The following CASTOR2 variants were observed in gnomAD, a reference collection of about 807,000 sequenced individuals.
CASTOR2 encodes the protein cytosolic arginine sensor for mTORC1 subunit 2.
In CASTOR2, 8 loss-of-function variants were observed where a neutral mutation model predicts 31.2. The observed-to-expected ratio is 0.26, with a 90% CI of 0.15 to 0.46. The LOEUF (loss-of-function observed/expected upper bound fraction) is 0.46. Ranked by LOEUF, CASTOR2 falls within the 20% of genes least tolerant of loss-of-function variation. The pLI is 0.99. For missense variants in CASTOR2, 216 were observed against 382.1 expected, an observed-to-expected ratio of 0.57 and a Z score of 3.62; for synonymous variants, 162 against 158.7, an observed-to-expected ratio of 1.02 and a Z score of -0.16.
At chr7:74,988,189 G>A (rs35927458) in intron 1 of CASTOR2, among the ~76,000 whole-genome samples, 15,173 of 145,128 alleles carry the variant, frequency 0.1, 915 homozygotes, top group Middle Eastern at 0.28. Context: ...GAGTTCAGTG[G>A]TGCCATCTCG....
At position 75,028,863 on chromosome 7, in the gene CASTOR2, G is replaced by T. The variant is rs1805217730; in HGVS notation, c.*4164G>T. On this transcript the variant is annotated 3_prime_UTR_variant, in exon 9 of 9. Coordinates refer to ENST00000616305, the MANE Select transcript of CASTOR2 (RefSeq NM_001145064.3). Reference sequence around the variant, plus strand: ...GACCCTGGTAGCTTCCCCTCCCCAAGATTCAGAGGCGGGGACCCAAAGCCT... The same window carrying T: ...GACCCTGGTAGCTTCCCCTCCCCAATATTCAGAGGCGGGGACCCAAAGCCT... Among the ~76,000 whole-genome samples the T allele has an allele frequency of 6.6e-6, 1 of 152,198 alleles. No homozygotes were observed. The highest frequency in any genetic ancestry group is 2.4e-5 in the African/African-American group (1 of 41,456).
chr7:75,022,640 A>G (rs1805032694), intron 7 of CASTOR2, among the ~76,000 whole-genome samples: 1 of 151,908 alleles, frequency 6.6e-6, no homozygotes, highest in Admixed American at 6.6e-5. Flanking sequence ...TCTACTAACA[A>G]TACAAAAAAT....
At chr7:74,995,128 G>A (rs1201965506) in intron 1 of CASTOR2, among the ~76,000 whole-genome samples, 16 of 152,134 alleles carry the variant, frequency 1.1e-4, no homozygotes, top group Non-Finnish European at 2.2e-4. Context: ...TACCCTGGAG[G>A]GCTTGAGGAG....
At chr7:74,982,515 C>T (rs1803969787) in intron 1 of CASTOR2, among the ~76,000 whole-genome samples, 3 of 145,092 alleles carry the variant, frequency 2.1e-5, no homozygotes, top group Non-Finnish European at 4.6e-5. Context: ...GGGGCTGTTT[C>T]GTCCACTAGA....
chr7:74,985,581 G>T (rs1157881067), intron 1 of CASTOR2, among the ~76,000 whole-genome samples: 5 of 111,846 alleles, frequency 4.5e-5, no homozygotes, highest in Middle Eastern at 3.7e-3. Context: ...GAAACAGCCT[G>T]GCTCAAAAAA....
At chr7:75,021,402 C>T (rs1051078527) in intron 6 of CASTOR2, among the ~76,000 whole-genome samples, 15 of 152,180 alleles carry the variant, frequency 9.9e-5, no homozygotes, top group Non-Finnish European at 1.6e-4. Context: ...GCTGGGATTA[C>T]GGGTGTGAGC....
intron 7 of CASTOR2, among the ~76,000 whole-genome samples, chr7:75,024,162 C>T (rs1043810523): frequency 2.0e-5 from 3 of 152,098 alleles, no homozygotes; most frequent in Admixed American, 6.6e-5. Context: ...TGGTGGTACA[C>T]GCCTATAATC....
At chr7:74,992,729 T>C (rs1234138052) in intron 1 of CASTOR2, among the ~76,000 whole-genome samples, 5 of 151,830 alleles carry the variant, frequency 3.3e-5, no homozygotes, top group African/African-American at 4.8e-5. Context: ...TGAGCCACTG[T>C]GCCCGGCCTC....
chr7:75,013,149 C>G (rs587757068), intron 2 of CASTOR2, among the ~76,000 whole-genome samples: 1 of 152,194 alleles, frequency 6.6e-6, no homozygotes, highest in Non-Finnish European at 1.5e-5. Flanking sequence ...AAACCTCCAG[C>G]GCTGCAAACA....
Position 75,008,081 on chromosome 7 carries a change from C to T in CASTOR2, c.184+17C>T. The T allele has an allele frequency of 1.2e-6, 2 of 1,613,690 alleles. No individual in the cohort carries two copies. Among genetic ancestry groups the T allele is most frequent in the East Asian group, 2.2e-5 (1 of 44,872 alleles). On this transcript the variant is annotated intron_variant, in intron 2 of 8. Transcript: ENST00000616305. ...GATTCCTAGGTAAGTGCTTCTCTCC[C>T]TAGGGGCTCGGCTGGACCATGCCCC... is the stretch of plus-strand genomic sequence containing the variant.
chr7:75,004,528 C>T (rs1166761324), intron 1 of CASTOR2, among the ~76,000 whole-genome samples: 3 of 149,626 alleles, frequency 2.0e-5, no homozygotes, highest in African/African-American at 7.4e-5. Context: ...TCTCAGCTCA[C>T]AGCAACCTCC....
intron 2 of CASTOR2, among the ~76,000 whole-genome samples, chr7:75,011,414 G>GCTGT (rs1804741051): frequency 1.4e-5 from 2 of 141,684 alleles, no homozygotes; most frequent in East Asian, 2.1e-4. Flanking sequence ...GGGCGATGGA[G>GCTGT]CAAGACTCCA....
At chr7:75,003,429 A>G (rs1286896982) in intron 1 of CASTOR2, among the ~76,000 whole-genome samples, 1 of 151,558 alleles carries the variant, frequency 6.6e-6, no homozygotes, top group Non-Finnish European at 1.5e-5. Context: ...CAGCCTGGGC[A>G]ACAGAGCAAG....
At chr7:74,994,850 A>G (rs1241234741) in intron 1 of CASTOR2, among the ~76,000 whole-genome samples, 2 of 152,138 alleles carry the variant, frequency 1.3e-5, no homozygotes, top group African/African-American at 4.8e-5. Context: ...TTGGAAGCCC[A>G]GGAGTGAGCA....
At chr7:75,001,531 A>G (rs1181257219) in intron 1 of CASTOR2, among the ~76,000 whole-genome samples, 3 of 152,220 alleles carry the variant, frequency 2.0e-5, no homozygotes, top group African/African-American at 7.2e-5. Context: ...GACTCATTAG[A>G]AAAGGCGGAG....
intron 1 of CASTOR2, among the ~76,000 whole-genome samples, chr7:74,992,210 T>C (rs1554437417): frequency 1.3e-5 from 2 of 152,056 alleles, no homozygotes; most frequent in East Asian, 1.9e-4. Context: ...TCGTGCAAAG[T>C]GTGACCTCTG....
intron 1 of CASTOR2, among the ~76,000 whole-genome samples, chr7:74,998,861 T>G (rs1370203609): frequency 5.9e-5 from 9 of 152,250 alleles, no homozygotes; most frequent in Non-Finnish European, 8.8e-5. Context: ...TCTTTGTGAT[T>G]TCTTCTGCCC....
rs1805293562 is a variant in CASTOR2, at chr7:75,031,203, G to A, written c.*6504G>A. 6.6e-6 allele frequency among the ~76,000 whole-genome samples: 1 copy of A among 151,984 alleles called. No individual in the cohort carries two copies. Among genetic ancestry groups the A allele is most frequent in the African/African-American group, 2.4e-5 (1 of 41,390 alleles). On this transcript the variant is annotated 3_prime_UTR_variant, in exon 9 of 9. Coordinates refer to ENST00000616305, the MANE Select transcript of CASTOR2 (RefSeq NM_001145064.3). ...TGAGTGGATGGATGGTGTACTGAGG[G>A]GCCTCTGCCCTGCCCAGAGCCCCCA...
At chr7:75,003,805 GGGCTGACTC>G (rs1411728148) in intron 1 of CASTOR2, among the ~76,000 whole-genome samples, 1 of 151,896 alleles carries the variant, frequency 6.6e-6, no homozygotes, top group Non-Finnish European at 1.5e-5. Flanking sequence ...AGGAGTCTGG[GGGCTGACTC>G]CTGAGGGTAG....
Sources: allele counts gnomAD v4.1 joint callset (sites outside exome capture counted in the v4.1 genomes callset), GRCh38; gene constraint gnomAD v4.1.1; transcripts MANE v1.5; gene names NCBI Gene and HGNC (gene_info 2026-07-23, HGNC 2026-07-21).